The following INPP5B variants were observed in gnomAD, a reference collection of about 807,000 sequenced individuals.
INPP5B encodes the protein inositol polyphosphate-5-phosphatase B.
Under a neutral mutation model 118.5 loss-of-function variants are expected in INPP5B, and 90 were observed. That is an observed-to-expected ratio of 0.76 (90% CI 0.64 to 0.90). The LOEUF (loss-of-function observed/expected upper bound fraction) is 0.90. Ranked by LOEUF, INPP5B falls within the 40% of genes least tolerant of loss-of-function variation. The probability of loss-of-function intolerance (pLI) is 0.00; values close to 1 mark genes in which losing one functional copy is unlikely to be tolerated. For missense variants in INPP5B, 984 were observed against 1,125.6 expected, an observed-to-expected ratio of 0.87 and a Z score of 1.80; for synonymous variants, 385 against 418.9, an observed-to-expected ratio of 0.92 and a Z score of 0.99.
intron 7 of INPP5B, among the ~76,000 whole-genome samples, chr1:37,922,980 GTC>G (rs1430605693): frequency 2.0e-5 from 3 of 152,194 alleles, no homozygotes; most frequent in Admixed American, 6.5e-5. Context: ...TCTGTGAACT[GTC>G]TGTGGTCTGG....
Position 37,928,841 on chromosome 1 carries a change from A to G in INPP5B, c.532+3072T>C, listed in dbSNP as rs1338084326. 3 of 152,150 alleles carry G rather than the reference A, an allele frequency of 2.0e-5. No homozygotes were observed. The East Asian group carries it at 5.8e-4, about 29-fold the overall frequency. The allele number at this position is 152,150 out of a possible 1,614,324, so 9.4% of individuals were successfully genotyped here. On this transcript the variant is annotated intron_variant, in intron 7 of 23. Transcript: ENST00000373024. ...TTTGCCTTGGTTTCTCTAGGCTATC[A>G]AGTAGTGGGTATTTTGATCATATGC... is the stretch of plus-strand genomic sequence containing the variant.
At chr1:37,935,933 G>T (rs966777916) in intron 6 of INPP5B, among the ~76,000 whole-genome samples, 7 of 152,198 alleles carry the variant, frequency 4.6e-5, no homozygotes, top group African/African-American at 1.7e-4. Context: ...AGGCGTGGTG[G>T]TGGGCACCTG....
chr1:37,899,489 G>A (rs1453802332), intron 7 of INPP5B, among the ~76,000 whole-genome samples: 6 of 151,902 alleles, frequency 3.9e-5, no homozygotes, highest in Admixed American at 1.3e-4. Context: ...TTGAACCTGG[G>A]AGGCAGAGGT....
chr1:37,890,970 T>C (rs1486682786), intron 8 of INPP5B, among the ~76,000 whole-genome samples: 1 of 152,174 alleles, frequency 6.6e-6, no homozygotes, highest in Non-Finnish European at 1.5e-5. Context: ...CTCATGCCTG[T>C]AATCCCAGCA....
intron 7 of INPP5B, among the ~76,000 whole-genome samples, chr1:37,909,454 C>T (rs980521185): frequency 3.9e-5 from 6 of 152,168 alleles, no homozygotes; most frequent in Non-Finnish European, 7.4e-5. Context: ...AGCCCTCCCC[C>T]ACCTGCCCAA....
At chr1:37,915,894 C>A (rs1181855748) in intron 7 of INPP5B, among the ~76,000 whole-genome samples, 1 of 152,204 alleles carries the variant, frequency 6.6e-6, no homozygotes, top group African/African-American at 2.4e-5. Context: ...AATAAGATAA[C>A]AGTGTCTGCC....
At chr1:37,882,720 A>C in intron 14 of INPP5B, 87 bp downstream of exon 14, 12 of 934,166 alleles carry the variant, frequency 1.3e-5, no homozygotes, top group Non-Finnish European at 1.7e-5. Flanking sequence ...CCAAGGAGGA[A>C]GAGGCTGCGA....
intron 13 of INPP5B, 112 bp downstream of exon 13, chr1:37,885,526 T>C (rs772430877): frequency 3.6e-6 from 3 of 828,946 alleles, no homozygotes; most frequent in African/African-American, 1.7e-5. Flanking sequence ...AGGTGGGAGC[T>C]ACCACCATTG....
intron 7 of INPP5B, among the ~76,000 whole-genome samples, chr1:37,897,339 C>CT (rs2148550434): frequency 6.7e-6 from 1 of 149,436 alleles, no homozygotes; most frequent in African/African-American, 2.5e-5. Flanking sequence ...GTTGCCGTGT[C>CT]TGTGTAGAAA....
At position 37,932,036 on chromosome 1, in the gene INPP5B, G is replaced by C. The variant is rs1386049944; in HGVS notation, c.409C>G (p.Arg137Gly). 2 of 1,599,984 alleles carry C rather than the reference G, an allele frequency of 1.3e-6. No individual in the cohort carries two copies. Among genetic ancestry groups the C allele is most frequent in the Admixed American group, 1.7e-5 (1 of 58,708 alleles). Residue 137 changes from arginine (R) to glycine (G), a missense_variant, in exon 7 of 24, where the codon CGG becomes GGG. Transcript: ENST00000373024. The part of the protein sequence containing the change: ...RACPGFDSAT[R>G]DPEFLWLSRY... ...GACAGCCACAGGAATTCAGGATCCC[G>C]GGTCGCAGAATCGAAGCCTGTGCAG...
chr1:37,926,299 C>CT (rs34515092), intron 7 of INPP5B, among the ~76,000 whole-genome samples: 87,768 of 149,524 alleles, frequency 0.59, 27,417 homozygotes, highest in Non-Finnish European at 0.71. Flanking sequence ...TGGTTCATTT[C>CT]TTTTTTTTTT....
intron 18 of INPP5B, chr1:37,873,403 A>G (rs899498671): frequency 5.8e-6 from 3 of 518,534 alleles, no homozygotes; most frequent in Admixed American, 6.6e-5. Flanking sequence ...AAATGCTATA[A>G]AATTCAAGCA....
chr1:37,867,697 G>A (rs898115881), intron 20 of INPP5B, among the ~76,000 whole-genome samples: 1 of 152,200 alleles, frequency 6.6e-6, no homozygotes, highest in African/African-American at 2.4e-5. Flanking sequence ...TGGGCTTGTA[G>A]TTTGTATAGG....
intron 7 of INPP5B, among the ~76,000 whole-genome samples, chr1:37,894,817 C>T (rs1053692538): frequency 5.3e-5 from 8 of 152,126 alleles, no homozygotes; most frequent in Non-Finnish European, 7.4e-5. Context: ...GCTGGGATTA[C>T]GGGCATGAGC....
intron 8 of INPP5B, 105 bp from the exon 9 acceptor site, chr1:37,889,829 G>A (rs1643740779): frequency 1.3e-6 from 1 of 765,402 alleles, no homozygotes; most frequent in Non-Finnish European, 2.1e-6. Flanking sequence ...AGTCACAGAA[G>A]ACTAAAGGAG....
intron 17 of INPP5B, 121 bp downstream of exon 17, chr1:37,875,485 G>A: frequency 4.5e-6 from 3 of 667,442 alleles, no homozygotes; most frequent in Non-Finnish European, 8.1e-6. Flanking sequence ...AGCCAGGATG[G>A]TCTTGATCTC....
intron 7 of INPP5B, among the ~76,000 whole-genome samples, chr1:37,916,544 GT>G (rs1644872746): frequency 6.6e-6 from 1 of 151,672 alleles, no homozygotes; most frequent in African/African-American, 2.4e-5. Context: ...AGCCTCCCGA[GT>G]AGCTGGGATT....
chr1:37,926,908 A>G (rs77500425), intron 7 of INPP5B, among the ~76,000 whole-genome samples: 3,354 of 152,276 alleles, frequency 0.022, 125 homozygotes, highest in African/African-American at 0.077. Context: ...ACTCTTTTTA[A>G]GGAAAGAAAA....
At position 37,887,002 on chromosome 1, in the gene INPP5B, C is replaced by T. The variant is rs1643578276; in HGVS notation, c.1017G>A (p.Val339=). 6.2e-7 allele frequency: 1 copy of T among 1,613,108 alleles called. No individual in the cohort carries two copies. The highest frequency in any genetic ancestry group is 8.5e-7 in the Non-Finnish European group (1 of 1,179,266). Residue 339 remains valine (V), a splice_region_variant and synonymous_variant, in exon 12 of 24, where the codon GTG becomes GTA. Transcript: ENST00000373024. ...TAATCCCAACCAGTCGGATAAGCTTCACCTGGAAAAGAGAGACATGGCATT... is the reference window on the plus strand; with the variant it reads ...TAATCCCAACCAGTCGGATAAGCTTTACCTGGAAAAGAGAGACATGGCATT... ...GLHPDAKYAK[V]KLIRLVGIML...
Sources: allele counts gnomAD v4.1 joint callset (sites outside exome capture counted in the v4.1 genomes callset), GRCh38; gene constraint gnomAD v4.1.1; transcripts MANE v1.5; gene names NCBI Gene and HGNC (gene_info 2026-07-23, HGNC 2026-07-21).